NAALADL1: variants seen among roughly 807,000 people sequenced by gnomAD.
NAALADL1 encodes the protein aminopeptidase NAALADL1.
A neutral mutation model predicts 82.8 loss-of-function variants in NAALADL1; 77 were observed. The ratio of observed to expected loss-of-function variants is 0.93; its 90% CI spans 0.77 to 1.12. NAALADL1 has a LOEUF of 1.12. Ranked by LOEUF, NAALADL1 falls within the 50% of genes most tolerant of loss-of-function variation. The probability of loss-of-function intolerance (pLI) is 0.00; values close to 1 mark genes in which losing one functional copy is unlikely to be tolerated. For synonymous variants in NAALADL1, 358 were observed against 399.2 expected, an observed-to-expected ratio of 0.90 and a Z score of 1.23; for missense variants, 956 against 964.0, an observed-to-expected ratio of 0.99 and a Z score of 0.11.
rs1489433773 is a variant in NAALADL1 at position 65,047,583 on chromosome 11, G to A, written c.1509-18C>T. ...AACCCAAGCTGCGGGAAGGAAGGGG[G>A]CCGGGATAAAGAGCGCTGGGCCGGA... On this transcript the variant is annotated intron_variant, in intron 12 of 17. Coordinates refer to ENST00000358658, the MANE Select transcript of NAALADL1 (RefSeq NM_005468.3). The A allele has an allele frequency of 3.8e-6, 6 of 1,573,848 alleles. No individual in the cohort carries two copies. In the African/African-American group the frequency reaches 8.1e-5, roughly 21 times the overall value.
chr11:65,056,492 T>TG (rs2137030680), intron 4 of NAALADL1, among the ~76,000 whole-genome samples: 1 of 152,034 alleles, frequency 6.6e-6, no homozygotes, highest in African/African-American at 2.4e-5. Flanking sequence ...CTCCACCTCC[T>TG]GGGTTCAAGC....
chr11:65,052,168 C>T (rs1019968048), intron 8 of NAALADL1, among the ~76,000 whole-genome samples: 2 of 152,158 alleles, frequency 1.3e-5, no homozygotes, highest in African/African-American at 2.4e-5. Flanking sequence ...ACTTGTCCTC[C>T]CTCTTGCCCC....
Position 65,044,844 on chromosome 11 carries a change from G to A in NAALADL1, c.*427C>T. ...TTTGTTGGTACCAGTCACTAGATGT[G>A]ATTTATTTGAGGGGCTGTTGTAGGG... On this transcript the variant is annotated 3_prime_UTR_variant, in exon 18 of 18. Coordinates refer to ENST00000358658, the MANE Select transcript of NAALADL1 (RefSeq NM_005468.3). The surrounding 1 kb of genome is among the most constrained non-coding windows in gnomAD (Gnocchi z 4.0). 6 of 1,176,318 alleles carry A rather than the reference G, an allele frequency of 5.1e-6. No homozygotes were observed. Among genetic ancestry groups the A allele is most frequent in the Non-Finnish European group, 7.0e-6 (6 of 859,480 alleles). The allele number at this position is 1,176,318 out of a possible 1,614,324, so 72.9% of individuals were successfully genotyped here.
intron 3 of NAALADL1, 61 bp downstream of exon 3, chr11:65,057,814 G>C (rs560856285): frequency 5.4e-5 from 86 of 1,601,252 alleles, no homozygotes; most frequent in Middle Eastern, 4.3e-4. Flanking sequence ...TCAGGGTGGG[G>C]AGAACCCTGG....
intron 11 of NAALADL1, 114 bp from the exon 12 acceptor site, chr11:65,047,852 C>A: frequency 1.4e-6 from 2 of 1,466,310 alleles, no homozygotes; most frequent in Non-Finnish European, 1.8e-6. Flanking sequence ...GAGGCTTGCC[C>A]CAGCCTCAGT....
At position 65,058,325 on chromosome 11, in the gene NAALADL1, C is replaced by A; in HGVS notation, c.185+12G>T. On this transcript the variant is annotated intron_variant, in intron 1 of 17. Transcript: ENST00000358658. ...TCTGGCAAACGGAGGAGCAGATGGC[C>A]CCACTTCTCACCTGAGGTTCTCCCG... is the stretch of plus-strand genomic sequence containing the variant. 6.2e-7 allele frequency: 1 copy of A among 1,614,054 alleles called. No individual in the cohort carries two copies. The highest frequency in any genetic ancestry group is 8.5e-7 in the Non-Finnish European group (1 of 1,179,948).
chr11:65,045,874 AGAGCATCAACTGGTCATT>A lies in NAALADL1; in HGVS notation c.1966_1983del (p.Asn656_Leu661del). The stretch of plus-strand genomic sequence containing the variant: ...CTAGGGTTCAGAAAGGTCCGTTCCA[AGAGCATCAACTGGTCATT>A]GAGCATCCGGACCTGCAGGGGGCTG... On this transcript the variant is annotated inframe_deletion, in exon 17 of 18. Coordinates refer to ENST00000358658, the MANE Select transcript of NAALADL1 (RefSeq NM_005468.3). The A allele has an allele frequency of 6.2e-7, 1 of 1,614,156 alleles. No homozygotes were observed. The highest frequency in any genetic ancestry group is 1.7e-5 in the Admixed American group (1 of 60,030).
rs1011767947 is a variant in NAALADL1, at chr11:65,057,772, C to G, written c.480+103G>C. The G allele has an allele frequency of 2.0e-6, 3 of 1,536,300 alleles. No homozygotes were observed. The East Asian group carries it at 6.8e-5, about 35-fold the overall frequency. ...CCCGGTGAGTAAATTCCGGAGGGCG[C>G]GCTGTGCCCCAGTTGAGGCACGTTC... On this transcript the variant is annotated intron_variant, in intron 3 of 17. Coordinates refer to ENST00000358658, the MANE Select transcript of NAALADL1 (RefSeq NM_005468.3).
upstream of NAALADL1, among the ~76,000 whole-genome samples, chr11:65,059,287 C>G (rs1312304970): frequency 6.6e-6 from 1 of 152,206 alleles, no homozygotes; most frequent in Non-Finnish European, 1.5e-5. Context: ...GCTGGGATGA[C>G]AGGAGTGAGC....
Position 65,046,036 on chromosome 11 carries a change from C to T in NAALADL1, c.1934G>A (p.Gly645Asp), listed in dbSNP as rs1197421695. The change falls in exon 16 of 18, where the codon GGC becomes GAC. Residue 645 changes from glycine to aspartate, a missense_variant. Coordinates refer to ENST00000358658, the MANE Select transcript of NAALADL1 (RefSeq NM_005468.3). ...CGCTGCCCTTGCTCACTCAGGGCTGCCCTTCTGCAGTGTTGATATGCGTTG... is the reference window on the plus strand; with the variant it reads ...CGCTGCCCTTGCTCACTCAGGGCTGTCCTTCTGCAGTGTTGATATGCGTTG... Reference protein sequence around the residue: ...LGQRISTLQKGSPDPLQVRML... With the variant: ...LGQRISTLQKDSPDPLQVRML... 1 of 1,613,894 alleles carries T rather than the reference C, an allele frequency of 6.2e-7. No homozygotes were observed. Among genetic ancestry groups the T allele is most frequent in the Non-Finnish European group, 8.5e-7 (1 of 1,179,988 alleles).
rs778722583 is a variant in NAALADL1 at position 65,048,198 on chromosome 11, C to A, written c.1302G>T (p.Leu434=). The change falls in exon 10 of 18, where the codon CTG becomes CTT. Residue 434 remains leucine (L), a synonymous_variant. Coordinates refer to ENST00000358658, the MANE Select transcript of NAALADL1 (RefSeq NM_005468.3). ...TEFTEEFFNK[L]QERTVAYINV... Reference sequence around the variant, plus strand: ...TGATGTAGGCCACCGTGCGCTCCTGCAGCTTGTTGAAGAACTCCTGCGGGT... The same window carrying A: ...TGATGTAGGCCACCGTGCGCTCCTGAAGCTTGTTGAAGAACTCCTGCGGGT... 3 of 1,614,014 alleles carry A rather than the reference C, an allele frequency of 1.9e-6. No individual in the cohort carries two copies. Among genetic ancestry groups the A allele is most frequent in the East Asian group, 2.2e-5 (1 of 44,842 alleles).
chr11:65,045,779 GC>G, intron 17 of NAALADL1, 42 bp downstream of exon 17: 1 of 1,574,286 alleles, frequency 6.4e-7, no homozygotes, highest in Non-Finnish European at 8.7e-7. Flanking sequence ...CCATTGTCCG[GC>G]CCCACCTGGA....
chr11:65,054,772 G>A lies in NAALADL1; in HGVS notation c.604-34C>T. The A allele has an allele frequency of 6.2e-7, 1 of 1,600,122 alleles. No homozygotes were observed. Among genetic ancestry groups the A allele is most frequent in the South Asian group, 1.1e-5 (1 of 89,698 alleles). ...GGCAGAGGAGGCTGTGTGTAAGGGA[G>A]GGACCGGGACCAGATATGTCCTATT... On this transcript the variant is annotated intron_variant, in intron 4 of 17. Coordinates refer to ENST00000358658, the MANE Select transcript of NAALADL1 (RefSeq NM_005468.3). The surrounding 1 kb of genome is among the most constrained non-coding windows in gnomAD (Gnocchi z 4.3).
At position 65,054,882 on chromosome 11, in the gene NAALADL1, A is replaced by C; in HGVS notation, c.604-144T>G. Reference sequence around the variant, plus strand: ...GACGTTTGCACAAGTCATTTATGGCAGTGCCTCTTGCAACAGTAAAGGCCA... The same window carrying C: ...GACGTTTGCACAAGTCATTTATGGCCGTGCCTCTTGCAACAGTAAAGGCCA... On this transcript the variant is annotated intron_variant, in intron 4 of 17. Transcript: ENST00000358658. The surrounding 1 kb of genome is among the most constrained non-coding windows in gnomAD (Gnocchi z 4.3). 1 of 1,119,190 alleles carries C rather than the reference A, an allele frequency of 8.9e-7. No homozygotes were observed. 69.3% of individuals were successfully genotyped at this position (1,119,190 alleles called of 1,614,324 possible). A position where few individuals can be genotyped will look rare whatever the true frequency, so the allele number is the denominator to read the frequency against.
In NAALADL1 at chr11:65,057,965, G is replaced by A. The variant is rs372497404; in HGVS notation, c.390C>T (p.Cys130=). 46 of 1,614,054 alleles carry A rather than the reference G, an allele frequency of 2.8e-5. No individual in the cohort carries two copies. The South Asian group carries it at 4.6e-4, about 16-fold the overall frequency. Residue 130 remains cysteine (C), a synonymous_variant, in exon 3 of 18, where the codon TGC becomes TGT. Transcript: ENST00000358658. The stretch of plus-strand genomic sequence containing the variant: ...CGGTCACGTTCTCCTCAGTCCGGTG[G>A]CAGGAGTGGATGATGCCCCCAGTGG... ...VGPTGGIIHS[C]HRTEENVTGE... is the part of the protein sequence containing the mutation.
intron 3 of NAALADL1, 90 bp downstream of exon 3, chr11:65,057,785 T>C: frequency 6.4e-7 from 1 of 1,569,662 alleles, no homozygotes; most frequent in Non-Finnish European, 8.7e-7. Flanking sequence ...TGTGCCCCAG[T>C]TGAGGCACGT....
At position 65,057,417 on chromosome 11, in the gene NAALADL1, C is replaced by T. The variant is rs1947069776; in HGVS notation, c.557G>A (p.Gly186Asp). The T allele has an allele frequency of 6.2e-7, 1 of 1,614,088 alleles. No individual in the cohort carries two copies. The highest frequency in any genetic ancestry group is 1.3e-5 in the African/African-American group (1 of 74,942). Residue 186 changes from glycine (G) to aspartate (D), a missense_variant, in exon 4 of 18, where the codon GGC becomes GAC. Coordinates refer to ENST00000358658, the MANE Select transcript of NAALADL1 (RefSeq NM_005468.3). ...CCCATATCGAGTCAGGGCAATGGTG[C>T]CTTCAAGTTTGATGCCCTGAGTCTG... ...ELQTQGIKLE[G>D]TIALTRYGGV...
chr11:65,051,828 G>A (rs985946067), intron 8 of NAALADL1, among the ~76,000 whole-genome samples: 2 of 152,140 alleles, frequency 1.3e-5, no homozygotes, highest in African/African-American at 2.4e-5. Context: ...CACAACTTTA[G>A]AAATGTACTT....
In NAALADL1 at chr11:65,054,146, G is replaced by A. The variant is rs1262958362; in HGVS notation, c.992+104C>T. The A allele has an allele frequency of 2.9e-6, 3 of 1,027,912 alleles. No homozygotes were observed. The highest frequency in any genetic ancestry group is 3.2e-5 in the African/African-American group (2 of 62,324). 63.7% of individuals were successfully genotyped at this position (1,027,912 alleles called of 1,614,324 possible). A position where few individuals can be genotyped will look rare whatever the true frequency, so the allele number is the denominator to read the frequency against. On this transcript the variant is annotated intron_variant, in intron 6 of 17. Transcript: ENST00000358658. The surrounding 1 kb of genome is among the most constrained non-coding windows in gnomAD (Gnocchi z 4.3). ...CTGGGAGAGAGAGGAAAGGGAAAAA[G>A]GTCAGGCTTTGAAGTGGAAAGAGGG...
Sources: allele counts gnomAD v4.1 joint callset (sites outside exome capture counted in the v4.1 genomes callset), GRCh38; gene constraint gnomAD v4.1.1; non-coding constraint Gnocchi (gnomAD v3.1); transcripts MANE v1.5; gene names NCBI Gene and HGNC (gene_info 2026-07-23, HGNC 2026-07-21).